The following PSPC1 variants were observed in gnomAD, a reference collection of about 807,000 sequenced individuals.
PSPC1 encodes the protein paraspeckle protein 1.
PSPC1 carries 14 observed loss-of-function variants against 51.6 expected under a neutral mutation model. That is an observed-to-expected ratio of 0.27 (90% CI 0.18 to 0.42). PSPC1 has a LOEUF of 0.42. PSPC1 is among the 10% of genes least tolerant of loss of function. PSPC1 has a pLI of 1.00. For missense variants in PSPC1, 406 were observed against 701.1 expected, an observed-to-expected ratio of 0.58 and a Z score of 4.75; for synonymous variants, 193 against 231.9, an observed-to-expected ratio of 0.83 and a Z score of 1.53.
chr13:19,695,279 T>G (rs1290511300), intron 6 of PSPC1, among the ~76,000 whole-genome samples: 1 of 152,210 alleles, frequency 6.6e-6, no homozygotes, highest in Non-Finnish European at 1.5e-5. Flanking sequence ...AGACTTTAGT[T>G]GACTTTAAGG....
intron 6 of PSPC1, among the ~76,000 whole-genome samples, chr13:19,725,310 TC>T: frequency 6.6e-6 from 1 of 152,232 alleles, no homozygotes; most frequent in East Asian, 1.9e-4. Flanking sequence ...TAATTTGGAT[TC>T]CTCAGGAATC....
chr13:19,701,510 G>A (rs550134521), downstream of PSPC1, among the ~76,000 whole-genome samples: 1 of 152,096 alleles, frequency 6.6e-6, no homozygotes, highest in Non-Finnish European at 1.5e-5. Context: ...TGTTTTCAAA[G>A]AACTGTCAAA....
At chr13:19,757,883 C>T (rs577255592) in intron 3 of PSPC1, among the ~76,000 whole-genome samples, 2 of 152,124 alleles carry the variant, frequency 1.3e-5, no homozygotes, top group Admixed American at 1.3e-4. Flanking sequence ...GAGAACAGAA[C>T]TGGAGGCAGT....
intron 5 of PSPC1, among the ~76,000 whole-genome samples, chr13:19,739,144 A>G (rs1885157350): frequency 6.6e-6 from 1 of 152,212 alleles, no homozygotes; most frequent in Non-Finnish European, 1.5e-5. Flanking sequence ...TCTTATCATT[A>G]GTATTATGAT....
chr13:19,722,121 A>G (rs2137860826), intron 6 of PSPC1, among the ~76,000 whole-genome samples: 1 of 152,350 alleles, frequency 6.6e-6, no homozygotes, highest in Non-Finnish European at 1.5e-5. Flanking sequence ...ACCTCGAAAA[A>G]TTCAGAGAAC....
intron 5 of PSPC1, chr13:19,737,094 C>T (rs1400759271): frequency 1.3e-5 from 2 of 152,046 alleles, no homozygotes; most frequent in Admixed American, 1.3e-4. Flanking sequence ...GGCCAGTTCA[C>T]CCCTCCTTAG....
intron 6 of PSPC1, among the ~76,000 whole-genome samples, chr13:19,718,419 T>C (rs1006660802): frequency 7.2e-5 from 11 of 152,178 alleles, no homozygotes; most frequent in African/African-American, 2.7e-4. Flanking sequence ...GAACTGCAAA[T>C]TAAAATGAGA....
Position 19,703,210 on chromosome 13 carries a change from T to A in PSPC1, c.1537A>T (p.Asn513Tyr). 6.2e-7 allele frequency: 1 copy of A among 1,614,168 alleles called. No homozygotes were observed. Among genetic ancestry groups the A allele is most frequent in the Non-Finnish European group, 8.5e-7 (1 of 1,180,008 alleles). ...CGACGCTTATTAGGGCCTTCAAAGT[T>A]GCCCCCTTGACTTCCTCTACCAAAG... ...GGFGRGSQGG[N>Y]FEGPNKRRRY Residue 513 changes from asparagine to tyrosine, a missense_variant, in exon 9 of 9, where the codon AAC (asparagine) becomes TAC (tyrosine). Transcript: ENST00000338910.
intron 6 of PSPC1, among the ~76,000 whole-genome samples, chr13:19,727,452 A>G (rs2137901177): frequency 6.6e-6 from 1 of 152,316 alleles, no homozygotes; most frequent in Non-Finnish European, 1.5e-5. Flanking sequence ...GTAACATACA[A>G]TTTAAACATC....
chr13:19,738,138 A>G (rs1885042521), intron 5 of PSPC1, among the ~76,000 whole-genome samples: 1 of 152,298 alleles, frequency 6.6e-6, no homozygotes, highest in Non-Finnish European at 1.5e-5. Flanking sequence ...ATGTATACAT[A>G]TTAACCCATA....
rs2340648 is a variant in PSPC1, at chr13:19,763,198, T to C, written c.675-3780A>G. 7.0e-3 allele frequency among the ~76,000 whole-genome samples: 1,064 copies of C among 152,232 alleles called. 8 individuals carry two copies. The highest frequency in any genetic ancestry group is 0.015 in the South Asian group (71 of 4,826). ...TGAGACAGTGTCTCACTCTGTTGTC[T>C]AGGCTGGAGTGCAGTGGGGCGATCA... On this transcript the variant is annotated intron_variant, in intron 2 of 8. Transcript: ENST00000338910.
chr13:19,704,329 A>AC (rs1287835743), intron 8 of PSPC1, among the ~76,000 whole-genome samples: 1 of 152,256 alleles, frequency 6.6e-6, no homozygotes, highest in Non-Finnish European at 1.5e-5. Flanking sequence ...CCCTGTATAA[A>AC]CTATCATTTT....
At chr13:19,715,700 C>T (rs1882002141) in intron 6 of PSPC1, among the ~76,000 whole-genome samples, 1 of 152,084 alleles carries the variant, frequency 6.6e-6, no homozygotes, top group Non-Finnish European at 1.5e-5. Context: ...TCAAGACAAG[C>T]CTGTGTCACA....
At chr13:19,694,478 C>T (rs1313775577) in intron 6 of PSPC1, among the ~76,000 whole-genome samples, 3 of 152,144 alleles carry the variant, frequency 2.0e-5, no homozygotes, top group African/African-American at 7.2e-5. Context: ...ATCACTTCGG[C>T]ATATGCCACA....
intron 6 of PSPC1, among the ~76,000 whole-genome samples, chr13:19,723,093 A>C (rs1311408955): frequency 6.6e-6 from 1 of 152,250 alleles, no homozygotes; most frequent in African/African-American, 2.4e-5. Context: ...CCTGGGCAAC[A>C]GAGCAAGACT....
At chr13:19,734,896 T>C (rs1884583377) in intron 5 of PSPC1, among the ~76,000 whole-genome samples, 1 of 151,806 alleles carries the variant, frequency 6.6e-6, no homozygotes, top group Admixed American at 6.6e-5. Flanking sequence ...GAGAATCACT[T>C]GAACCTGGGA....
At chr13:19,733,589 C>A (rs891860742) in intron 5 of PSPC1, among the ~76,000 whole-genome samples, 6 of 151,786 alleles carry the variant, frequency 4.0e-5, no homozygotes, top group Non-Finnish European at 8.8e-5. Context: ...GGTAAAACCC[C>A]ATCTCTACTA....
In PSPC1 at chr13:19,736,552, A is replaced by G. The variant is rs533912092; in HGVS notation, c.1052+5013T>C. ...CAAAAAATTAGCCAGGTGTGGTGAC[A>G]GGCGCCTGTAATCCTAGCTACTCCG... On this transcript the variant is annotated intron_variant, in intron 5 of 8. Transcript: ENST00000338910. 5.3e-4 allele frequency among the ~76,000 whole-genome samples: 81 copies of G among 152,144 alleles called. 1 individual carries two copies. The highest frequency in any genetic ancestry group is 3.4e-3 in the Middle Eastern group (1 of 294).
chr13:19,741,807 C>T (rs1221761054), intron 4 of PSPC1, among the ~76,000 whole-genome samples, 158 bp from the exon 5 acceptor site: 3 of 152,102 alleles, frequency 2.0e-5, no homozygotes, highest in Non-Finnish European at 2.9e-5. Flanking sequence ...TTTCTGAGCA[C>T]GTTTCTTCAC....
Sources: allele counts gnomAD v4.1 joint callset (sites outside exome capture counted in the v4.1 genomes callset), GRCh38; gene constraint gnomAD v4.1.1; transcripts MANE v1.5; gene names NCBI Gene and HGNC (gene_info 2026-07-23, HGNC 2026-07-21).